Variants in SMC3 observed in about 807,000 individuals in gnomAD.
SMC3 encodes structural maintenance of chromosomes 3, also known as structural maintenance of chromosomes protein 3.
A neutral mutation model predicts 171.8 loss-of-function variants in SMC3; 20 were observed. The ratio of observed to expected loss-of-function variants is 0.12; its 90% confidence interval spans 0.08 to 0.17. The LOEUF is 0.17. Ranked by LOEUF, SMC3 falls within the 10% of genes least tolerant of loss-of-function variation. SMC3 has a pLI of 1.00. For missense variants in SMC3, 543 were observed against 1,420.4 expected (o/e 0.38, Z 9.93); for synonymous variants, 464 against 451.1 (o/e 1.03, Z -0.36).
rs1252279479 is a variant in SMC3, at chr10:110,605,978, C to T, written c.*1676C>T. ...TTCTTAATATTGTTCTTAAGCATTT[C>T]CCCAAGGATATTAGTATAATGAAAT... On this transcript the variant is annotated 3_prime_UTR_variant, in exon 29 of 29. Transcript: ENST00000361804. Among the ~76,000 whole-genome samples, 2 of 152,126 alleles carry T rather than the reference C, an allele frequency of 1.3e-5. No homozygotes were observed. The highest frequency in any genetic ancestry group is 4.8e-5 in the African/African-American group (2 of 41,416).
At chr10:110,598,736 T>G (rs994802318) in intron 20 of SMC3, among the ~76,000 whole-genome samples, 3 of 152,130 alleles carry the variant, frequency 2.0e-5, no homozygotes, top group Non-Finnish European at 2.9e-5. Flanking sequence ...TCTACATCTA[T>G]TTTACCATTC....
In SMC3 at chr10:110,604,358, C is replaced by A. The variant is rs1000507234; in HGVS notation, c.*56C>A. 2 of 1,245,296 alleles carry A rather than the reference C, an allele frequency of 1.6e-6. No homozygotes were observed. The highest frequency in any genetic ancestry group is 2.4e-6 in the Non-Finnish European group (2 of 846,936). The allele number at this position is 1,245,296 out of a possible 1,614,324, so 77.1% of individuals were successfully genotyped here. A position where few individuals can be genotyped will look rare whatever the true frequency, so the allele number is the denominator to read the frequency against. ...TGTATATAGTAATATGATTCTCATA[C>A]CCAGGAACTGTAAATTTAAACCTAA... On this transcript the variant is annotated 3_prime_UTR_variant, in exon 29 of 29. Coordinates refer to ENST00000361804, the MANE Select transcript of SMC3 (RefSeq NM_005445.4).
rs376304978 is a variant in SMC3, at chr10:110,581,915, C to G, written c.548-8C>G. 3.7e-6 allele frequency: 6 copies of G among 1,611,112 alleles called. No homozygotes were observed. The highest frequency in any genetic ancestry group is 5.1e-6 in the Non-Finnish European group (6 of 1,177,592). On this transcript the variant is annotated splice_region_variant and splice_polypyrimidine_tract_variant and intron_variant, in intron 8 of 28. Transcript: ENST00000361804. ...AATTCTTCCACCTCTCTCCCCATTT[C>G]TTTTAAGAGGGCAAACGGGAAAAAA...
Position 110,598,243 on chromosome 10 carries a change from A to T in SMC3, c.2221A>T (p.Met741Leu). ...AGATAGCATATTATCAGAAATGAAG[A>T]TGCTAAAAGAGAAGAGGCAGCAGTC... ...SRDSILSEMK[M>L]LKEKRQQSEK... is the part of the protein sequence containing the mutation. Residue 741 changes from methionine to leucine, a missense_variant, in exon 20 of 29, where the codon ATG becomes TTG. Met to Leu is a conservative substitution (Grantham distance 15). Around this residue, in one of 8 missense-constraint regions of SMC3, gnomAD observed 218 missense variants for 509.6 expected, o/e 0.43. Transcript: ENST00000361804. 2 of 1,614,072 alleles carry T rather than the reference A, an allele frequency of 1.2e-6. No individual in the cohort carries two copies.
intron 16 of SMC3, 101 bp from the exon 17 acceptor site, chr10:110,590,890 C>G (rs1861195067): frequency 9.4e-7 from 1 of 1,061,668 alleles, no homozygotes; most frequent in South Asian, 1.3e-5. Flanking sequence ...ACCTTTAGTC[C>G]CAGCTATGCA....
Position 110,581,026 on chromosome 10 carries a change from A to G in SMC3, c.547+5A>G, listed in dbSNP as rs763149033. 6 of 1,448,628 alleles carry G rather than the reference A, an allele frequency of 4.1e-6. No homozygotes were observed. The highest frequency in any genetic ancestry group is 5.8e-6 in the Non-Finnish European group (6 of 1,028,988). The allele number at this position is 1,448,628 out of a possible 1,614,324, so 89.7% of individuals were successfully genotyped here. ...TCTCCTTAATGAAAGAAACAGGTAA[A>G]ATAAATGTGATTCTGCCTTATTTTT... On this transcript the variant is annotated splice_donor_5th_base_variant and intron_variant, in intron 8 of 28. Transcript: ENST00000361804.
intron 7 of SMC3, among the ~76,000 whole-genome samples, chr10:110,579,220 G>T (rs973721740): frequency 1.3e-5 from 2 of 151,556 alleles, no homozygotes; most frequent in African/African-American, 2.4e-5. Context: ...TTTTTTTTTG[G>T]ACTAGGGAAA....
At chr10:110,599,379 G>A (rs1046123252) in intron 20 of SMC3, among the ~76,000 whole-genome samples, 2 of 152,214 alleles carry the variant, frequency 1.3e-5, no homozygotes, top group Non-Finnish European at 2.9e-5. Context: ...ACAGGCGTGA[G>A]CCACTGCGCC....
At chr10:110,576,555 T>G (rs1348785768) in intron 4 of SMC3, among the ~76,000 whole-genome samples, 3 of 152,208 alleles carry the variant, frequency 2.0e-5, no homozygotes, top group African/African-American at 7.2e-5. Context: ...ATTTGAATAT[T>G]GTTTATTAAA....
At chr10:110,599,555 C>G (rs1652144032) in intron 20 of SMC3, 99 bp from the exon 21 acceptor site, 6 of 1,049,060 alleles carry the variant, frequency 5.7e-6, no homozygotes, top group Non-Finnish European at 7.0e-6. Flanking sequence ...GTTGATATGT[C>G]TATATATTTA....
At chr10:110,593,387 C>T (rs756509760) in intron 18 of SMC3, among the ~76,000 whole-genome samples, 164 bp downstream of exon 18, 4 of 151,602 alleles carry the variant, frequency 2.6e-5, no homozygotes, top group African/African-American at 4.8e-5. Flanking sequence ...GCCTGGCTAA[C>T]GAGGCGAAAC....
chr10:110,599,912 G>C (rs1195886662), intron 21 of SMC3, 100 bp downstream of exon 21: 1 of 1,127,910 alleles, frequency 8.9e-7, no homozygotes, highest in African/African-American at 1.5e-5. Context: ...AAAGAACTGA[G>C]AAAATATTAA....
chr10:110,594,713 C>T (rs1861269025), intron 18 of SMC3, among the ~76,000 whole-genome samples: 1 of 151,958 alleles, frequency 6.6e-6, no homozygotes, highest in South Asian at 2.1e-4. Context: ...AACCCATCTC[C>T]CCCCAAGCTT....
At chr10:110,568,080 C>T (rs1860803402) in intron 1 of SMC3, among the ~76,000 whole-genome samples, 1 of 152,162 alleles carries the variant, frequency 6.6e-6, no homozygotes, top group South Asian at 2.1e-4. Context: ...GGCAGGATCT[C>T]CGAGAGGTGT....
Position 110,599,871 on chromosome 10 carries a change from C to T in SMC3, c.2427+59C>T, listed in dbSNP as rs1861359477. On this transcript the variant is annotated intron_variant, in intron 21 of 28. Coordinates refer to ENST00000361804, the MANE Select transcript of SMC3 (RefSeq NM_005445.4). Reference sequence around the variant, plus strand: ...TAGTAATTGGCTATTGTGAAAAGGGCCTTTCTTGCTAACTAGGGCAATATG... The same window carrying T: ...TAGTAATTGGCTATTGTGAAAAGGGTCTTTCTTGCTAACTAGGGCAATATG... The T allele has an allele frequency of 7.4e-6, 11 of 1,493,134 alleles. No homozygotes were observed. In the South Asian group the frequency reaches 1.2e-4, roughly 17 times the overall value. The allele number at this position is 1,493,134 out of a possible 1,614,324, so 92.5% of individuals were successfully genotyped here.
chr10:110,582,671 C>G, intron 10 of SMC3, 29 bp downstream of exon 10: 1 of 1,542,604 alleles, frequency 6.5e-7, no homozygotes, highest in Non-Finnish European at 9.0e-7. Context: ...TTCATGTTAA[C>G]TTACTTTTTA....
rs755859881 is a variant in SMC3 at position 110,583,538 on chromosome 10, G to C, written c.959G>C (p.Ser320Thr). 8.7e-6 allele frequency: 14 copies of C among 1,613,932 alleles called. No homozygotes were observed. In the East Asian group the frequency reaches 3.1e-4, roughly 36 times the overall value. Residue 320 changes from serine (S) to threonine (T), a missense_variant, in exon 11 of 29, where the codon AGT becomes ACT. Ser to Thr is a moderately conservative substitution (Grantham distance 58). Coordinates refer to ENST00000361804, the MANE Select transcript of SMC3 (RefSeq NM_005445.4). ...TTACAAGATGAACTAGCAGGCAATAGTGAACAAAGGGTAAGTTAAAATGCT... is the reference window on the plus strand; with the variant it reads ...TTACAAGATGAACTAGCAGGCAATACTGAACAAAGGGTAAGTTAAAATGCT... ...KDLQDELAGN[S>T]EQRKRLLKER...
rs200408303 is a variant in SMC3 at position 110,603,402 on chromosome 10, C to T, written c.3582+112C>T. ...GAAAACTTAGAAAGTCTTTGCTTAT[C>T]TGATGTCTTTGTAAAGAAAGAACTT... On this transcript the variant is annotated intron_variant, in intron 28 of 28. Coordinates refer to ENST00000361804, the MANE Select transcript of SMC3 (RefSeq NM_005445.4). 2,052 of 721,068 alleles carry T rather than the reference C, an allele frequency of 2.8e-3. 14 individuals are homozygous for T. The highest frequency in any genetic ancestry group is 9.4e-3 in the South Asian group (541 of 57,550). 44.7% of individuals were successfully genotyped at this position (721,068 alleles called of 1,614,324 possible).
chr10:110,575,470 G>A (rs1860933522), intron 4 of SMC3, 67 bp downstream of exon 4: 3 of 1,142,516 alleles, frequency 2.6e-6, no homozygotes. Context: ...TTCCATGCTG[G>A]TTAAAAAAGC....
Sources: gnomAD v4.1 joint callset for allele counts (sites outside exome capture counted in the v4.1 genomes callset) on GRCh38, gnomAD v4.1.1 for gene constraint, gnomAD v4.1.1 regional missense constraint, MANE v1.5 for transcripts, NCBI Gene and HGNC (gene_info 2026-07-23, HGNC 2026-07-21) for gene names.